ENPP1: variants seen among roughly 807,000 people sequenced by gnomAD.
ENPP1 encodes the protein ectonucleotide pyrophosphatase/phosphodiesterase family member 1.
In ENPP1, 73 loss-of-function variants were observed where a neutral mutation model predicts 122.8. The ratio of observed to expected loss-of-function variants is 0.59; its 90% CI spans 0.49 to 0.72. ENPP1 has a LOEUF of 0.72. ENPP1 is among the 30% of genes least tolerant of loss of function. ENPP1 has a pLI of 0.00. For synonymous variants in ENPP1, 367 were observed against 391.6 expected (o/e 0.94, Z 0.74); for missense variants, 978 against 1,128.1 (o/e 0.87, Z 1.91).
chr6:131,865,619 TG>T (rs763858434), intron 11 of ENPP1, among the ~76,000 whole-genome samples: 1 of 152,222 alleles, frequency 6.6e-6, no homozygotes, highest in Non-Finnish European at 1.5e-5. Flanking sequence ...ATATCATTTT[TG>T]TTACCATTTT....
At chr6:131,860,732 A>G (rs987585729) in intron 8 of ENPP1, among the ~76,000 whole-genome samples, 1 of 151,902 alleles carries the variant, frequency 6.6e-6, no homozygotes, top group Non-Finnish European at 1.5e-5. Flanking sequence ...GTGCTGGGCA[A>G]TTTTTCTTTT....
chr6:131,851,149 A>G lies in ENPP1; in HGVS notation c.438A>G (p.Ile146Met), dbSNP rs369996722. The G allele has an allele frequency of 1.2e-6, 2 of 1,614,056 alleles. No individual in the cohort carries two copies. The highest frequency in any genetic ancestry group is 8.5e-7 in the Non-Finnish European group (1 of 1,179,916). ...GCTGATGTTTGTTTCTAGAACATAT[A>G]TGGACTTGCAACAAATTCAGGTGTG... ...YQETCIEPEH[I>M]WTCNKFRCGE... Residue 146 changes from isoleucine (I) to methionine (M), a missense_variant, in exon 4 of 25, where the codon ATA (isoleucine) becomes ATG (methionine). Physicochemically the swap from Ile to Met is conservative, Grantham distance 10 (BLOSUM62 1). This residue lies in a region of ENPP1 where 330 missense variants were observed against 328.5 expected (regional missense o/e 1.00). Coordinates refer to ENST00000647893, the MANE Select transcript of ENPP1 (RefSeq NM_006208.3).
intron 1 of ENPP1, among the ~76,000 whole-genome samples, chr6:131,844,121 T>G (rs1007166005): frequency 6.6e-6 from 1 of 152,190 alleles, no homozygotes; most frequent in African/African-American, 2.4e-5. Context: ...TGTTCCTAGT[T>G]TTTTTGTTCA....
intron 8 of ENPP1, among the ~76,000 whole-genome samples, chr6:131,861,390 A>G (rs1027752223): frequency 3.9e-5 from 6 of 152,212 alleles, no homozygotes; most frequent in Admixed American, 1.3e-4. Flanking sequence ...TCCAAAAGCT[A>G]CAGGAGTTAA....
intron 1 of ENPP1, among the ~76,000 whole-genome samples, chr6:131,844,591 G>A (rs1249983312): frequency 6.6e-6 from 1 of 152,086 alleles, no homozygotes; most frequent in Non-Finnish European, 1.5e-5. Flanking sequence ...AAGAATGAAA[G>A]TAAAGAAAAG....
chr6:131,878,924 T>C (rs1782267914), intron 19 of ENPP1, among the ~76,000 whole-genome samples: 1 of 152,230 alleles, frequency 6.6e-6, no homozygotes, highest in Non-Finnish European at 1.5e-5. Context: ...TTGAAATACC[T>C]AAGTTTCTAT....
chr6:131,834,905 G>A (rs1337995094), intron 1 of ENPP1, among the ~76,000 whole-genome samples: 1 of 152,028 alleles, frequency 6.6e-6, no homozygotes, highest in Admixed American at 6.5e-5. Context: ...TAGGGTCAGG[G>A]GTTATTCAAA....
chr6:131,817,156 C>T (rs1781425145), intron 1 of ENPP1, among the ~76,000 whole-genome samples: 1 of 152,180 alleles, frequency 6.6e-6, no homozygotes, highest in Non-Finnish European at 1.5e-5. Context: ...ACATAATAGA[C>T]TATGATGGTA....
At chr6:131,834,288 G>T (rs1210079568) in intron 1 of ENPP1, among the ~76,000 whole-genome samples, 1 of 152,154 alleles carries the variant, frequency 6.6e-6, no homozygotes, top group African/African-American at 2.4e-5. Flanking sequence ...GAATGAGCAT[G>T]ACAGAAGAGG....
Position 131,878,554 on chromosome 6 carries a change from G to C in ENPP1, c.1906G>C (p.Glu636Gln). The C allele has an allele frequency of 6.2e-7, 1 of 1,611,818 alleles. No individual in the cohort carries two copies. The highest frequency in any genetic ancestry group is 2.2e-5 in the East Asian group (1 of 44,836). Reference protein sequence around the residue: ...CSCNPSILPIEDFQTQFNLTV... With the variant: ...CSCNPSILPIQDFQTQFNLTV... ...TAACCTTTTTTAGATTTTGCCGATT[G>C]AGGATTTTCAAACACAGTTCAATCT... Residue 636 changes from glutamate to glutamine, a missense_variant, in exon 19 of 25, where the codon GAG becomes CAG. Glu to Gln is a conservative substitution (Grantham distance 29). Around this residue, in one of 3 missense-constraint regions of ENPP1, gnomAD observed 644 missense variants for 781.5 expected, o/e 0.82. Coordinates refer to ENST00000647893, the MANE Select transcript of ENPP1 (RefSeq NM_006208.3).
chr6:131,879,879 GAGA>G lies in ENPP1; in HGVS notation c.1949_1951del (p.Lys650del), dbSNP rs757287130. ...CATTTATTTTCATCCTGTGACCCAA[GAGA>G]AGATTATTAAGCATGAAACTTTACC... On this transcript the variant is annotated inframe_deletion and splice_region_variant, in exon 20 of 25. Transcript: ENST00000647893. 6.8e-6 allele frequency: 11 copies of G among 1,612,754 alleles called. No homozygotes were observed. The African/African-American group carries it at 1.2e-4, about 18-fold the overall frequency.
intron 1 of ENPP1, among the ~76,000 whole-genome samples, chr6:131,813,075 A>G (rs941368089): frequency 6.6e-6 from 1 of 152,156 alleles, no homozygotes; most frequent in Non-Finnish European, 1.5e-5. Flanking sequence ...TCCTGAGCTC[A>G]GGAATTTCAC....
At chr6:131,863,041 T>G (rs1186723238) in intron 9 of ENPP1, among the ~76,000 whole-genome samples, 1 of 152,176 alleles carries the variant, frequency 6.6e-6, no homozygotes, top group Admixed American at 6.5e-5. Flanking sequence ...GCTTAAAGGT[T>G]AGAAGCAAGA....
At chr6:131,853,756 C>G (rs1056217951) in intron 5 of ENPP1, among the ~76,000 whole-genome samples, 1 of 152,084 alleles carries the variant, frequency 6.6e-6, no homozygotes, top group African/African-American at 2.4e-5. Context: ...AGTAAACTTT[C>G]AGTGGGAAGT....
chr6:131,887,986 G>A (rs1259109831), intron 24 of ENPP1, among the ~76,000 whole-genome samples: 9 of 147,642 alleles, frequency 6.1e-5, no homozygotes, highest in South Asian at 4.5e-4. Flanking sequence ...TCAGCCTCCC[G>A]AATAGCTGGG....
chr6:131,819,428 AG>A (rs1193463069), intron 1 of ENPP1, among the ~76,000 whole-genome samples: 1 of 152,226 alleles, frequency 6.6e-6, no homozygotes, highest in African/African-American at 2.4e-5. Context: ...GAAGTTGAAA[AG>A]GTGACACTAA....
In ENPP1 at chr6:131,864,945, A is replaced by C. The variant is rs367832320; in HGVS notation, c.1164+7A>C. On this transcript the variant is annotated splice_region_variant and intron_variant, in intron 11 of 24. Coordinates refer to ENST00000647893, the MANE Select transcript of ENPP1 (RefSeq NM_006208.3). ...TGGACCAGTCAGCAGTGAAGTAAGT[A>C]CATTTTTATCAGTAATTATTTCATT... The C allele has an allele frequency of 7.7e-6, 12 of 1,550,988 alleles. No individual in the cohort carries two copies. Among genetic ancestry groups the C allele is most frequent in the Admixed American group, 6.7e-5 (4 of 59,934 alleles).
intron 3 of ENPP1, 99 bp from the exon 4 acceptor site, chr6:131,851,043 T>C: frequency 2.2e-6 from 3 of 1,354,366 alleles, no homozygotes; most frequent in Non-Finnish European, 3.2e-6. Context: ...TTGTTCATTG[T>C]TGCTCATGGA....
At position 131,891,306 on chromosome 6, in the gene ENPP1, A is replaced by T. The variant is rs1439244125; in HGVS notation, c.*795A>T. ...CTATAGACGGTTAAAATTGTACCTT[A>T]TCTTGGCAAAACTTCAGAGCACCAG... On this transcript the variant is annotated 3_prime_UTR_variant, in exon 25 of 25. Coordinates refer to ENST00000647893, the MANE Select transcript of ENPP1 (RefSeq NM_006208.3). The T allele has an allele frequency of 6.6e-6, 1 of 151,680 alleles. No homozygotes were observed. Among genetic ancestry groups the T allele is most frequent in the African/African-American group, 2.4e-5 (1 of 41,408 alleles). The allele number at this position is 151,680 out of a possible 1,614,324, so 9.4% of individuals were successfully genotyped here.
Sources: allele counts gnomAD v4.1 joint callset (sites outside exome capture counted in the v4.1 genomes callset), GRCh38; gene constraint gnomAD v4.1.1; regional missense constraint gnomAD v4.1.1; transcripts MANE v1.5; gene names NCBI Gene and HGNC (gene_info 2026-07-23, HGNC 2026-07-21).